The following CSPP1 variants were observed in gnomAD, a reference collection of about 807,000 sequenced individuals.
CSPP1 encodes centrosome and spindle pole associated protein 1.
CSPP1 carries 126 observed loss-of-function variants against 164.4 expected under a neutral mutation model. The ratio of observed to expected loss-of-function variants is 0.77; its 90% CI spans 0.66 to 0.89. The LOEUF is 0.89. Ranked by LOEUF, CSPP1 falls within the 40% of genes least tolerant of loss-of-function variation. CSPP1 has a pLI of 0.00. For synonymous variants in CSPP1, 472 were observed against 476.7 expected (o/e 0.99, Z 0.13); for missense variants, 1,395 against 1,449.8 (o/e 0.96, Z 0.61).
In CSPP1 at chr8:67,161,803, T is replaced by A. The variant is rs1202852032; in HGVS notation, c.2539-8T>A. 13 of 1,601,000 alleles carry A rather than the reference T, an allele frequency of 8.1e-6. No individual in the cohort carries two copies. Among genetic ancestry groups the A allele is most frequent in the African/African-American group, 4.0e-5 (3 of 74,678 alleles). ...CAAATATGCTCTTAAATTTTTTAAATTTTTCAGCACATGAGACAGCCTTCT... is the reference window on the plus strand; with the variant it reads ...CAAATATGCTCTTAAATTTTTTAAAATTTTCAGCACATGAGACAGCCTTCT... On this transcript the variant is annotated splice_region_variant and splice_polypyrimidine_tract_variant and intron_variant, in intron 21 of 30. Transcript: ENST00000678616.
chr8:67,195,449 TGTA>T lies in CSPP1; in HGVS notation c.3539_3541del (p.Val1180del), dbSNP rs1366060965. The T allele has an allele frequency of 3.7e-6, 6 of 1,614,064 alleles. No homozygotes were observed. The highest frequency in any genetic ancestry group is 5.1e-6 in the Non-Finnish European group (6 of 1,180,014). Reference sequence around the variant, plus strand: ...ACATAGGGGATGACGGATCAAACTCTGTAGCAACTGAGCCCTGGCTCCGCCCTG... The same window carrying T: ...ACATAGGGGATGACGGATCAAACTCTGCAACTGAGCCCTGGCTCCGCCCTG... On this transcript the variant is annotated inframe_deletion, in exon 31 of 31. Transcript: ENST00000678616.
At chr8:67,067,698 C>T (rs908121273) in intron 1 of CSPP1, among the ~76,000 whole-genome samples, 5 of 151,544 alleles carry the variant, frequency 3.3e-5, no homozygotes, top group East Asian at 2.0e-4. Flanking sequence ...CTCCTGACCT[C>T]GTGATCCGCC....
rs542498897 is a variant in CSPP1, at chr8:67,136,445, T to C, written c.1828-1011T>C. The stretch of plus-strand genomic sequence containing the variant: ...ATAACTGGGCGTGGTGGCAGGCTCC[T>C]GTAGTCCCAGCTACTCTGGAGGCTG... On this transcript the variant is annotated intron_variant, in intron 16 of 30. Coordinates refer to ENST00000678616, the MANE Select transcript of CSPP1 (RefSeq NM_001382391.1). 2.6e-5 allele frequency among the ~76,000 whole-genome samples: 4 copies of C among 151,878 alleles called. No individual in the cohort carries two copies. The South Asian group carries it at 8.3e-4, about 32-fold the overall frequency.
chr8:67,168,262 G>T (rs961086727), intron 24 of CSPP1, among the ~76,000 whole-genome samples: 1 of 151,156 alleles, frequency 6.6e-6, no homozygotes, highest in Admixed American at 6.6e-5. Context: ...GTCCAGCTTC[G>T]GCTCGGCATC....
At chr8:67,183,348 T>C (rs1833516875) in intron 28 of CSPP1, among the ~76,000 whole-genome samples, 1 of 152,154 alleles carries the variant, frequency 6.6e-6, no homozygotes, top group South Asian at 2.1e-4. Context: ...GAACCCATAT[T>C]CTTCTCAGGG....
At position 67,093,528 on chromosome 8, in the gene CSPP1, G is replaced by T; in HGVS notation, c.385-15G>T. The T allele has an allele frequency of 6.5e-7, 1 of 1,538,814 alleles. No homozygotes were observed. The highest frequency in any genetic ancestry group is 1.2e-5 in the South Asian group (1 of 86,198). On this transcript the variant is annotated splice_polypyrimidine_tract_variant and intron_variant, in intron 5 of 30. Coordinates refer to ENST00000678616, the MANE Select transcript of CSPP1 (RefSeq NM_001382391.1). ...AAGTTGAATTTTAACATTGCCTTTTGATTTTTATTTTAAGGAAAGGTTGAA... is the reference window on the plus strand; with the variant it reads ...AAGTTGAATTTTAACATTGCCTTTTTATTTTTATTTTAAGGAAAGGTTGAA...
chr8:67,096,757 C>T (rs1272922568), intron 7 of CSPP1, among the ~76,000 whole-genome samples: 4 of 151,182 alleles, frequency 2.6e-5, no homozygotes, highest in African/African-American at 7.3e-5. Flanking sequence ...CCCAGCTACT[C>T]GGGAGGCTGA....
intron 17 of CSPP1, among the ~76,000 whole-genome samples, chr8:67,149,499 C>A (rs1347408490): frequency 6.6e-6 from 1 of 152,058 alleles, no homozygotes; most frequent in Admixed American, 6.6e-5. Flanking sequence ...ATTCTAAGTT[C>A]TGAAGTAACA....
intron 17 of CSPP1, among the ~76,000 whole-genome samples, chr8:67,140,557 G>A (rs943480226): frequency 6.6e-6 from 1 of 152,090 alleles, no homozygotes; most frequent in African/African-American, 2.4e-5. Context: ...TAATAGGTAA[G>A]TGTTTACTTG....
chr8:67,110,894 CTG>C (rs1816720022), intron 9 of CSPP1, among the ~76,000 whole-genome samples: 2 of 152,014 alleles, frequency 1.3e-5, no homozygotes, highest in Admixed American at 1.3e-4. Context: ...GTTTTTTAAA[CTG>C]TGAGGTTAAG....
At chr8:67,165,661 G>T (rs1239376004) in intron 24 of CSPP1, among the ~76,000 whole-genome samples, 1 of 152,170 alleles carries the variant, frequency 6.6e-6, no homozygotes, top group Non-Finnish European at 1.5e-5. Flanking sequence ...TGATTAGACT[G>T]GGATTAAGGG....
intron 12 of CSPP1, 33 bp from the exon 13 acceptor site, chr8:67,115,870 CTTATGATTATA>C (rs1817832709): frequency 6.6e-7 from 1 of 1,514,402 alleles, no homozygotes; most frequent in African/African-American, 1.4e-5. Flanking sequence ...CACCTTTAAA[CTTATGATTATA>C]TGTAACAAAC....
At chr8:67,194,051 A>G (rs1259723883) in intron 30 of CSPP1, among the ~76,000 whole-genome samples, 1 of 147,576 alleles carries the variant, frequency 6.8e-6, no homozygotes, top group Admixed American at 6.6e-5. Context: ...CTCAGAAGTC[A>G]AATAAAGCTA....
chr8:67,092,063 CACA>C (rs1318714082), intron 5 of CSPP1, among the ~76,000 whole-genome samples, 180 bp downstream of exon 5: 4 of 152,166 alleles, frequency 2.6e-5, no homozygotes, highest in African/African-American at 2.4e-5. Flanking sequence ...TTTTCTTGAA[CACA>C]ACATTTGTAA....
intron 3 of CSPP1, among the ~76,000 whole-genome samples, chr8:67,079,477 C>G (rs1808677514): frequency 6.6e-6 from 1 of 152,202 alleles, no homozygotes; most frequent in African/African-American, 2.4e-5. Flanking sequence ...GGTCACTCTG[C>G]TGTAATCCCA....
At chr8:67,076,414 T>G in intron 2 of CSPP1, 68 bp from the exon 3 acceptor site, 8 of 780,848 alleles carry the variant, frequency 1.0e-5, no homozygotes, top group Non-Finnish European at 1.6e-5. Context: ...AATTAAAATT[T>G]GAGATGAGTT....
At chr8:67,192,069 T>G (rs1248379117) in intron 29 of CSPP1, among the ~76,000 whole-genome samples, 2 of 141,590 alleles carry the variant, frequency 1.4e-5, no homozygotes, top group African/African-American at 5.3e-5. Flanking sequence ...CTGATTTGTT[T>G]TTTTTTTTGT....
rs751014652 is a variant in CSPP1, at chr8:67,193,519, G to A, written c.3386G>A (p.Ser1129Asn). 2.5e-6 allele frequency: 4 copies of A among 1,612,616 alleles called. No individual in the cohort carries two copies. The highest frequency in any genetic ancestry group is 3.3e-5 in the Admixed American group (2 of 60,008). The change falls in exon 30 of 31, where the codon AGT (serine) becomes AAT (asparagine). Residue 1129 changes from serine to asparagine, a missense_variant. By Grantham distance (46) the Ser-to-Asn change is conservative (BLOSUM62 1). Transcript: ENST00000678616. ...PDGLSLKSISSVNVDELRVRN... is the reference protein window; with the variant it reads ...PDGLSLKSISNVNVDELRVRN... ...GGTCTCTCTCTAAAATCTATATCCA[G>A]TGTAAATGTTGATGAGCTTAGAGTG...
At chr8:67,119,733 A>C (rs1261326501) in intron 15 of CSPP1, among the ~76,000 whole-genome samples, 1 of 151,984 alleles carries the variant, frequency 6.6e-6, no homozygotes, top group Non-Finnish European at 1.5e-5. Context: ...TTTTTGAATT[A>C]GGTTGTTTGT....
Sources: gnomAD v4.1 joint callset for allele counts (sites outside exome capture counted in the v4.1 genomes callset) on GRCh38, gnomAD v4.1.1 for gene constraint, MANE v1.5 for transcripts, NCBI Gene and HGNC (gene_info 2026-07-23, HGNC 2026-07-21) for gene names.